CACNB4: variants seen among roughly 807,000 people sequenced by gnomAD.
CACNB4 encodes voltage-dependent L-type calcium channel subunit beta-4.
Under a neutral mutation model 71.2 loss-of-function variants are expected in CACNB4, and 32 were observed. The ratio of observed to expected loss-of-function variants is 0.45; its 90% confidence interval spans 0.34 to 0.60. The LOEUF is 0.60. CACNB4 is among the 20% of genes least tolerant of loss of function. The pLI is 0.01. For synonymous variants in CACNB4, 231 were observed against 236.9 expected (o/e 0.97, Z 0.23); for missense variants, 464 against 647.9 (o/e 0.72, Z 3.08).
intron 12 of CACNB4, among the ~76,000 whole-genome samples, chr2:151,844,450 GA>G (rs761765341): frequency 6.6e-5 from 10 of 152,186 alleles, no homozygotes; most frequent in Non-Finnish European, 1.2e-4. Context: ...CACAATGGAA[GA>G]AAGAGATCAT....
intron 2 of CACNB4, among the ~76,000 whole-genome samples, chr2:151,951,481 C>T (rs938812374): frequency 5.3e-5 from 8 of 152,070 alleles, no homozygotes; most frequent in African/African-American, 1.9e-4. Flanking sequence ...TTTAAAGGAG[C>T]CAGCAGCATC....
chr2:151,890,513 C>A (rs972194966), intron 2 of CACNB4, among the ~76,000 whole-genome samples: 1 of 152,194 alleles, frequency 6.6e-6, no homozygotes, highest in African/African-American at 2.4e-5. Flanking sequence ...TCCTCACACA[C>A]CATTCCACAC....
At chr2:151,896,778 A>C (rs2099852186) in intron 2 of CACNB4, among the ~76,000 whole-genome samples, 1 of 152,238 alleles carries the variant, frequency 6.6e-6, no homozygotes, top group African/African-American at 2.4e-5. Flanking sequence ...GGAACTAGGA[A>C]ATAGGGTTTT....
At chr2:151,959,384 C>T (rs1425526170) in intron 2 of CACNB4, among the ~76,000 whole-genome samples, 2 of 152,130 alleles carry the variant, frequency 1.3e-5, no homozygotes, top group Non-Finnish European at 2.9e-5. Flanking sequence ...GCTGAGTTTC[C>T]AGAACAAGGT....
At chr2:152,003,808 A>G (rs1025213395) in intron 2 of CACNB4, among the ~76,000 whole-genome samples, 3 of 152,124 alleles carry the variant, frequency 2.0e-5, no homozygotes, top group African/African-American at 7.2e-5. Flanking sequence ...ATGGAGGAAA[A>G]GGAATATTTT....
chr2:151,860,908 A>G (rs2099841471), intron 9 of CACNB4, 88 bp from the exon 10 acceptor site: 1 of 819,390 alleles, frequency 1.2e-6, no homozygotes, highest in South Asian at 1.4e-5. Context: ...TTAATAACCA[A>G]TTTACATGCT....
intron 2 of CACNB4, chr2:151,973,951 A>C: frequency 8.0e-7 from 1 of 1,256,408 alleles, no homozygotes; most frequent in Non-Finnish European, 1.0e-6. Flanking sequence ...AAAAAGCAAA[A>C]CCCTTCCTCA....
chr2:152,020,302 A>C (rs931873667), intron 2 of CACNB4, among the ~76,000 whole-genome samples: 1 of 152,158 alleles, frequency 6.6e-6, no homozygotes, highest in African/African-American at 2.4e-5. Context: ...TTCTTCCCCT[A>C]TTCTTCCAGG....
chr2:152,010,344 C>T lies in CACNB4; in HGVS notation c.147+87986G>A, dbSNP rs148355756. On this transcript the variant is annotated intron_variant, in intron 2 of 13. Transcript: ENST00000539935. Reference sequence around the variant, plus strand: ...TATTATCTCCATGGAATACTTGCTACACTGGCAGGATAGAAGAGACGGGTT... The same window carrying T: ...TATTATCTCCATGGAATACTTGCTATACTGGCAGGATAGAAGAGACGGGTT... Among the ~76,000 whole-genome samples, 1,448 of 152,272 alleles carry T rather than the reference C, an allele frequency of 9.5e-3. 11 individuals carry two copies. Among genetic ancestry groups the T allele is most frequent in the South Asian group, 0.017 (80 of 4,824 alleles).
rs1421322671 is a variant in CACNB4 at position 151,883,472 on chromosome 2, T to C, written c.148-102A>G. ...GAGTTCTTTTTCATTTGCCTAAAAT[T>C]TGATGCACACACTCCATGCCTTATT... is the stretch of plus-strand genomic sequence containing the variant. On this transcript the variant is annotated intron_variant, in intron 2 of 13. Transcript: ENST00000539935. The C allele has an allele frequency of 1.2e-5, 13 of 1,084,694 alleles. No homozygotes were observed. In the Admixed American group the frequency reaches 2.0e-4, roughly 17 times the overall value. The allele number at this position is 1,084,694 out of a possible 1,614,324, so 67.2% of individuals were successfully genotyped here.
intron 5 of CACNB4, among the ~76,000 whole-genome samples, chr2:151,875,549 C>A (rs2099845813): frequency 6.6e-6 from 1 of 151,598 alleles, no homozygotes; most frequent in Non-Finnish European, 1.5e-5. Context: ...AGAGGGGCTC[C>A]TCACTTCCCA....
At chr2:152,084,890 G>A (rs1687569396) in intron 2 of CACNB4, among the ~76,000 whole-genome samples, 1 of 152,006 alleles carries the variant, frequency 6.6e-6, no homozygotes, top group Non-Finnish European at 1.5e-5. Flanking sequence ...TTCCCAAAGT[G>A]CTGGGATTAC....
At chr2:152,083,887 C>T (rs1687503514) in intron 2 of CACNB4, among the ~76,000 whole-genome samples, 1 of 152,272 alleles carries the variant, frequency 6.6e-6, no homozygotes, top group African/African-American at 2.4e-5. Flanking sequence ...CGATATCCTA[C>T]TCAGGCCTGC....
chr2:151,889,095 G>A (rs538096227), intron 2 of CACNB4, among the ~76,000 whole-genome samples: 54 of 152,246 alleles, frequency 3.5e-4, no homozygotes, highest in Middle Eastern at 3.4e-3. Context: ...TGGGCTGTGC[G>A]GTAGTAGACA....
intron 2 of CACNB4, among the ~76,000 whole-genome samples, chr2:152,060,710 A>C (rs1262293072): frequency 6.6e-6 from 1 of 152,246 alleles, no homozygotes; most frequent in Middle Eastern, 3.2e-3. Context: ...ATCTCCAGCA[A>C]CAGGGGCAAG....
intron 2 of CACNB4, among the ~76,000 whole-genome samples, chr2:152,078,277 G>GA (rs1335804226): frequency 6.6e-6 from 1 of 152,192 alleles, no homozygotes; most frequent in Non-Finnish European, 1.5e-5. Flanking sequence ...AACTGCTGCA[G>GA]AGAGTATGAG....
At chr2:151,981,212 T>C (rs2099874667) in intron 2 of CACNB4, among the ~76,000 whole-genome samples, 1 of 152,190 alleles carries the variant, frequency 6.6e-6, no homozygotes, top group African/African-American at 2.4e-5. Context: ...GCAAGAACCA[T>C]GTCTTACTCA....
At chr2:151,926,063 T>C (rs1486668767) in intron 2 of CACNB4, among the ~76,000 whole-genome samples, 1 of 152,110 alleles carries the variant, frequency 6.6e-6, no homozygotes, top group Non-Finnish European at 1.5e-5. Context: ...AGTTATAATT[T>C]TGGGAGGAAT....
chr2:151,979,725 T>C (rs1343043345), intron 2 of CACNB4, among the ~76,000 whole-genome samples: 1 of 152,178 alleles, frequency 6.6e-6, no homozygotes, highest in Non-Finnish European at 1.5e-5. Context: ...GGCATCTCCC[T>C]GGGGACAGAC....
Sources: gnomAD v4.1 joint callset for allele counts (sites outside exome capture counted in the v4.1 genomes callset) on GRCh38, gnomAD v4.1.1 for gene constraint, MANE v1.5 for transcripts, NCBI Gene and HGNC (gene_info 2026-07-23, HGNC 2026-07-21) for gene names.